The following SH3BGR variants were observed in gnomAD, a reference collection of about 807,000 sequenced individuals.
SH3BGR encodes SH3 domain-binding glutamic acid-rich protein.
SH3BGR carries 29 observed loss-of-function variants against 24.5 expected under a neutral mutation model. The observed-to-expected ratio is 1.18, with a 90% confidence interval of 0.88 to 1.61. The LOEUF (loss-of-function observed/expected upper bound fraction) is 1.61. Among genes scored for constraint, SH3BGR ranks in the 40% most tolerant of loss-of-function variants. The pLI, the probability that SH3BGR is intolerant of heterozygous loss-of-function variation, is 0.00. For synonymous variants in SH3BGR, 55 were observed against 65.7 expected, an observed-to-expected ratio of 0.84 and a Z score of 0.79; for missense variants, 162 against 205.8, an observed-to-expected ratio of 0.79 and a Z score of 1.30.
intron 3 of SH3BGR, among the ~76,000 whole-genome samples, chr21:39,489,190 G>A (rs1388825796): frequency 6.6e-6 from 1 of 152,216 alleles, no homozygotes; most frequent in African/African-American, 2.4e-5. Context: ...AGATGGAAGA[G>A]GGCTAATCAT....
At chr21:39,448,552 T>C (rs2148436951), upstream of SH3BGR, among the ~76,000 whole-genome samples, 1 of 152,140 alleles carries the variant, frequency 6.6e-6, no homozygotes, top group South Asian at 2.1e-4. Flanking sequence ...TTTCCTAAAA[T>C]GAGATGCACC....
chr21:39,515,403 A>G lies in SH3BGR; in HGVS notation c.*350A>G, dbSNP rs1385203450. ...TGGAAGTTCTCTGTGATACAACAAT[A>G]GTATTTCTTCAAATGCGCCTTATGC... is the stretch of plus-strand genomic sequence containing the variant. On this transcript the variant is annotated 3_prime_UTR_variant, in exon 7 of 7. Transcript: ENST00000333634. The G allele has an allele frequency of 1.2e-5, 2 of 163,542 alleles. No individual in the cohort carries two copies. Among genetic ancestry groups the G allele is most frequent in the African/African-American group, 4.8e-5 (2 of 41,680 alleles). 10.1% of individuals were successfully genotyped at this position (163,542 alleles called of 1,614,324 possible).
At chr21:39,506,097 C>T (rs916001096) in intron 4 of SH3BGR, among the ~76,000 whole-genome samples, 2 of 152,174 alleles carry the variant, frequency 1.3e-5, no homozygotes, top group African/African-American at 2.4e-5. Flanking sequence ...ACCTATTTAT[C>T]GAGCTTGCCT....
intron 2 of SH3BGR, among the ~76,000 whole-genome samples, chr21:39,473,894 A>AAC (rs1268314612): frequency 1.3e-5 from 2 of 151,056 alleles, no homozygotes; most frequent in Non-Finnish European, 3.0e-5. Context: ...CAAAAAAAAA[A>AAC]ACAAAAAACA....
At chr21:39,510,695 T>A (rs1449967891) in intron 5 of SH3BGR, among the ~76,000 whole-genome samples, 3 of 151,820 alleles carry the variant, frequency 2.0e-5, no homozygotes, top group Non-Finnish European at 4.4e-5. Flanking sequence ...CTTTTGTTTC[T>A]CTCTTGCTAG....
At chr21:39,485,007 A>G (rs970434941) in intron 3 of SH3BGR, among the ~76,000 whole-genome samples, 1 of 152,256 alleles carries the variant, frequency 6.6e-6, no homozygotes, top group Non-Finnish European at 1.5e-5. Context: ...ACGTATCATC[A>G]TATGCAGCAT....
chr21:39,485,450 G>T (rs1001881136), intron 3 of SH3BGR, among the ~76,000 whole-genome samples: 1 of 151,630 alleles, frequency 6.6e-6, no homozygotes, highest in Non-Finnish European at 1.5e-5. Context: ...AAGCTTAAGA[G>T]AAAGCAAAAA....
chr21:39,472,202 A>G (rs1207909363), intron 2 of SH3BGR, among the ~76,000 whole-genome samples: 2 of 152,178 alleles, frequency 1.3e-5, no homozygotes, highest in Non-Finnish European at 2.9e-5. Context: ...TAAACAATAG[A>G]AGTTTATTTG....
chr21:39,448,352 TAAGTTATCTGTA>T (rs1463731627), upstream of SH3BGR, among the ~76,000 whole-genome samples: 1 of 152,228 alleles, frequency 6.6e-6, no homozygotes, highest in Non-Finnish European at 1.5e-5. Context: ...TTTGTCATTT[TAAGTTATCTGTA>T]AAGTTATGTA....
At chr21:39,479,241 G>GTGGTGGTGGTGGTGC (rs1569160856) in intron 3 of SH3BGR, among the ~76,000 whole-genome samples, 8 of 147,596 alleles carry the variant, frequency 5.4e-5, no homozygotes, top group African/African-American at 2.0e-4. Flanking sequence ...GGTGGTGGTG[G>GTGGTGGTGGTGGTGC]TGGTGGTGGT....
upstream of SH3BGR, among the ~76,000 whole-genome samples, chr21:39,449,353 G>A (rs578237409): frequency 2.0e-5 from 3 of 152,184 alleles, no homozygotes; most frequent in South Asian, 2.1e-4. Flanking sequence ...TCCTTCCTCC[G>A]TGGATCTCCT....
chr21:39,496,472 A>C (rs1376090462), intron 3 of SH3BGR, among the ~76,000 whole-genome samples: 1 of 147,810 alleles, frequency 6.8e-6, no homozygotes, highest in Non-Finnish European at 1.5e-5. Context: ...CGCAGTCCGC[A>C]GTCCGGCCTG....
chr21:39,487,668 A>G (rs2078232930), intron 3 of SH3BGR, among the ~76,000 whole-genome samples: 1 of 152,224 alleles, frequency 6.6e-6, no homozygotes, highest in Admixed American at 6.5e-5. Flanking sequence ...TTTCTTGTAG[A>G]ACACATTTCA....
chr21:39,476,119 G>A (rs961663533), intron 3 of SH3BGR, among the ~76,000 whole-genome samples: 4 of 152,170 alleles, frequency 2.6e-5, no homozygotes, highest in Non-Finnish European at 5.9e-5. Context: ...CCAGAGTGGG[G>A]GTGGAGGTGG....
At chr21:39,506,650 CT>C (rs1368346486) in intron 4 of SH3BGR, among the ~76,000 whole-genome samples, 2 of 152,160 alleles carry the variant, frequency 1.3e-5, no homozygotes, top group African/African-American at 4.8e-5. Context: ...GTGAGACTTA[CT>C]ACCACAAGAA....
chr21:39,455,746 C>T (rs1360906129), intron 1 of SH3BGR, among the ~76,000 whole-genome samples: 2 of 152,232 alleles, frequency 1.3e-5, no homozygotes, highest in African/African-American at 2.4e-5. Context: ...GATCCTAAGA[C>T]CCTTTTCTGC....
upstream of SH3BGR, among the ~76,000 whole-genome samples, chr21:39,449,938 C>T (rs778538845): frequency 1.3e-5 from 2 of 152,128 alleles, no homozygotes; most frequent in Non-Finnish European, 2.9e-5. Context: ...ATTAATTTCT[C>T]CCCAGGGTTT....
chr21:39,455,640 G>T (rs1353648459), intron 1 of SH3BGR, among the ~76,000 whole-genome samples: 2 of 152,228 alleles, frequency 1.3e-5, no homozygotes, highest in Admixed American at 1.3e-4. Flanking sequence ...GAGGAGAGGG[G>T]CCCCATGCTA....
At chr21:39,447,416 C>CATT (rs1227234170), upstream of SH3BGR, among the ~76,000 whole-genome samples, 10 of 114,706 alleles carry the variant, frequency 8.7e-5, no homozygotes, top group South Asian at 2.7e-4. Flanking sequence ...TTCGCTTTTG[C>CATT]TTTTTTTTTT....
Sources: allele counts gnomAD v4.1 joint callset (sites outside exome capture counted in the v4.1 genomes callset), GRCh38; gene constraint gnomAD v4.1.1; transcripts MANE v1.5; gene names NCBI Gene and HGNC (gene_info 2026-07-23, HGNC 2026-07-21).